The following VPS45 variants were observed in gnomAD, a reference collection of about 807,000 sequenced individuals.
VPS45 encodes the protein vacuolar protein sorting 45 homolog.
In VPS45, 35 loss-of-function variants were observed where a neutral mutation model predicts 75.9. The ratio of observed to expected loss-of-function variants is 0.46; its 90% CI spans 0.35 to 0.61. The LOEUF is 0.61. Among genes scored for constraint, VPS45 ranks in the 20% least tolerant of loss-of-function variants. VPS45 has a pLI of 0.00. For synonymous variants in VPS45, 220 were observed against 238.2 expected (o/e 0.92, Z 0.70); for missense variants, 559 against 685.9 (o/e 0.81, Z 2.07).
At chr1:150,133,230 GC>G (rs587760525) in intron 14 of VPS45, among the ~76,000 whole-genome samples, 3 of 152,128 alleles carry the variant, frequency 2.0e-5, no homozygotes, top group Non-Finnish European at 2.9e-5. Context: ...CTCCTTTGGG[GC>G]CCCCCAGAGT....
chr1:150,112,902 T>C (rs1553807449), intron 14 of VPS45, among the ~76,000 whole-genome samples: 1 of 152,164 alleles, frequency 6.6e-6, no homozygotes, highest in African/African-American at 2.4e-5. Flanking sequence ...ATGTAAGAGA[T>C]GCATAGGGCA....
chr1:150,110,508 C>T lies in VPS45; in HGVS notation c.1506C>T (p.Ile502=). 1 of 1,612,784 alleles carries T rather than the reference C, an allele frequency of 6.2e-7. No individual in the cohort carries two copies. Among genetic ancestry groups the T allele is most frequent in the South Asian group, 1.1e-5 (1 of 90,928 alleles). The change falls in exon 14 of 15, where the codon ATC becomes ATT. Residue 502 remains isoleucine (I), a synonymous_variant. Transcript: ENST00000644510. ...PSTLRDRPQD[I]IVFVIGGATY... ...TTCATTATTGCAGACCTCAGGATATCATTGTGTTTGTAATTGGAGGAGCCA... is the reference window on the plus strand; with the variant it reads ...TTCATTATTGCAGACCTCAGGATATTATTGTGTTTGTAATTGGAGGAGCCA...
chr1:150,108,148 A>C (rs1265320075), intron 13 of VPS45, among the ~76,000 whole-genome samples: 1 of 152,232 alleles, frequency 6.6e-6, no homozygotes, highest in African/African-American at 2.4e-5. Flanking sequence ...TGGGGATTTA[A>C]AATGTGTTGA....
chr1:150,076,353 C>CT, intron 4 of VPS45, 41 bp downstream of exon 4: 1 of 1,482,786 alleles, frequency 6.7e-7, no homozygotes, highest in Non-Finnish European at 9.2e-7. Context: ...TATGTTGGCC[C>CT]TTTTTAAATA....
intron 14 of VPS45, among the ~76,000 whole-genome samples, chr1:150,135,970 C>T (rs376520719): frequency 7.3e-5 from 11 of 150,310 alleles, no homozygotes; most frequent in East Asian, 6.3e-4. Context: ...AATTTGAGGC[C>T]GGGTGCAGTG....
At chr1:150,126,516 T>G (rs782655268) in intron 14 of VPS45, among the ~76,000 whole-genome samples, 5 of 151,784 alleles carry the variant, frequency 3.3e-5, no homozygotes, top group Non-Finnish European at 5.9e-5. Flanking sequence ...CCGGCCTGTT[T>G]TTTGATTTTT....
intron 10 of VPS45, 197 bp downstream of exon 10, chr1:150,083,080 G>A (rs1655806756): frequency 5.6e-6 from 3 of 532,178 alleles, no homozygotes; most frequent in East Asian, 3.4e-5. Flanking sequence ...CAATTCCCAA[G>A]GGTTCAGTTA....
chr1:150,072,430 A>AG (rs1478966358), intron 3 of VPS45, among the ~76,000 whole-genome samples: 17 of 152,182 alleles, frequency 1.1e-4, no homozygotes, highest in Non-Finnish European at 1.5e-5. Flanking sequence ...TGGGAGGCCA[A>AG]GGCGGGCGGA....
chr1:150,068,032 C>T (rs1654824074), intron 1 of VPS45, 82 bp downstream of exon 1: 2 of 1,367,114 alleles, frequency 1.5e-6, no homozygotes, highest in African/African-American at 1.4e-5. Context: ...TAGGACTTAG[C>T]ATTTAATTAA....
rs1043429702 is a variant in VPS45 at position 150,111,014 on chromosome 1, A to G, written c.1625+387A>G. ...ACAGCTTAGACTTTGAAAATACTTA[A>G]ACATAATGGTATTGAAGTCTGTGAG... On this transcript the variant is annotated intron_variant, in intron 14 of 14. Coordinates refer to ENST00000644510, the MANE Select transcript of VPS45 (RefSeq NM_007259.5). Among the ~76,000 whole-genome samples the G allele has an allele frequency of 1.4e-4, 22 of 152,206 alleles. 1 individual carries two copies. Among genetic ancestry groups the G allele is most frequent in the Admixed American group, 1.3e-3 (20 of 15,272 alleles).
chr1:150,094,096 C>A (rs1656493019), intron 13 of VPS45, among the ~76,000 whole-genome samples: 1 of 152,174 alleles, frequency 6.6e-6, no homozygotes, highest in Non-Finnish European at 1.5e-5. Flanking sequence ...ATTTGTTACA[C>A]AGGAGCAAAG....
chr1:150,068,107 G>T, intron 1 of VPS45, 157 bp downstream of exon 1: 3 of 718,360 alleles, frequency 4.2e-6, no homozygotes, highest in Middle Eastern at 2.5e-4. Flanking sequence ...CTTGCCCGGT[G>T]GGTTTTCAGT....
At position 150,116,977 on chromosome 1, in the gene VPS45, C is replaced by T. The variant is rs1027139770; in HGVS notation, c.1625+6350C>T. On this transcript the variant is annotated intron_variant, in intron 14 of 14. Transcript: ENST00000644510. ...TAGCACTTTAGGAGGCCGAGGCAGG[C>T]GGATCATGAGGTCAGAAGATCGAGA... 8.6e-5 allele frequency among the ~76,000 whole-genome samples: 13 copies of T among 151,992 alleles called. 1 individual carries two copies. Among genetic ancestry groups the T allele is most frequent in the African/African-American group, 3.1e-4 (13 of 41,368 alleles).
intron 14 of VPS45, among the ~76,000 whole-genome samples, chr1:150,126,718 C>T (rs1387347505): frequency 6.6e-6 from 1 of 152,094 alleles, no homozygotes; most frequent in Non-Finnish European, 1.5e-5. Context: ...GTAATCCCAG[C>T]ACTTTGGGAG....
At position 150,081,455 on chromosome 1, in the gene VPS45, A is replaced by C; in HGVS notation, c.801A>C (p.Glu267Asp). ...TAAGAGAAGTGGTCCTATCTGCTGA[A>C]AATGATGAATTCTATGCTAATGTAG... is the stretch of plus-strand genomic sequence containing the variant. ...KDLREVVLSA[E>D]NDEFYANNMY... The change falls in exon 8 of 15, where the codon GAA (glutamate) becomes GAC (aspartate). Residue 267 changes from glutamate to aspartate, a missense_variant. By Grantham distance (45) the Glu-to-Asp change is conservative. Transcript: ENST00000644510. The C allele has an allele frequency of 6.3e-7, 1 of 1,599,568 alleles. No homozygotes were observed. The highest frequency in any genetic ancestry group is 8.5e-7 in the Non-Finnish European group (1 of 1,176,550).
intron 13 of VPS45, among the ~76,000 whole-genome samples, chr1:150,108,575 C>T (rs1418371471): frequency 6.6e-6 from 1 of 151,836 alleles, no homozygotes; most frequent in Non-Finnish European, 1.5e-5. Context: ...GAAGTGGGAC[C>T]ATAAAAGGAT....
rs587610317 is a variant in VPS45 at position 150,090,986 on chromosome 1, T to G, written c.1105-951T>G. Among the ~76,000 whole-genome samples the G allele has an allele frequency of 2.5e-3, 383 of 152,364 alleles. 3 individuals carry two copies. Among genetic ancestry groups the G allele is most frequent in the African/African-American group, 8.9e-3 (371 of 41,584 alleles). ...TTATCATCTTTTTTTCTTAAGGTATTGGTAAGGCTTCCCCTTTAATCATAA... is the reference window on the plus strand; with the variant it reads ...TTATCATCTTTTTTTCTTAAGGTATGGGTAAGGCTTCCCCTTTAATCATAA... On this transcript the variant is annotated intron_variant, in intron 10 of 14. Transcript: ENST00000644510.
At position 150,142,102 on chromosome 1, in the gene VPS45, C is replaced by G. The variant is rs587599451; in HGVS notation, c.1626-2607C>G. 8.6e-5 allele frequency among the ~76,000 whole-genome samples: 13 copies of G among 151,806 alleles called. No homozygotes were observed. The East Asian group carries it at 2.3e-3, about 27-fold the overall frequency. On this transcript the variant is annotated intron_variant, in intron 14 of 14. Coordinates refer to ENST00000644510, the MANE Select transcript of VPS45 (RefSeq NM_007259.5). Reference sequence around the variant, plus strand: ...GTCCCCAAATAGTTTTTTTTTAAGTCATAGTGGCCCTAGGAAACAAAATTA... The same window carrying G: ...GTCCCCAAATAGTTTTTTTTTAAGTGATAGTGGCCCTAGGAAACAAAATTA...
intron 13 of VPS45, among the ~76,000 whole-genome samples, chr1:150,096,748 G>A (rs910038698): frequency 1.3e-5 from 2 of 152,096 alleles, no homozygotes; most frequent in African/African-American, 2.4e-5. Context: ...AACTACAGTG[G>A]GTGTCACAGA....
Sources: gnomAD v4.1 joint callset for allele counts (sites outside exome capture counted in the v4.1 genomes callset) on GRCh38, gnomAD v4.1.1 for gene constraint, MANE v1.5 for transcripts, NCBI Gene and HGNC (gene_info 2026-07-23, HGNC 2026-07-21) for gene names.